Variants in SEMA5B observed in about 807,000 individuals in gnomAD.
The protein encoded by SEMA5B is semaphorin-5B.
A neutral mutation model predicts 135.0 loss-of-function variants in SEMA5B; 66 were observed. The observed-to-expected ratio is 0.49, with a 90% CI of 0.40 to 0.60. The LOEUF is 0.60. SEMA5B is among the 20% of genes least tolerant of loss of function. SEMA5B has a pLI of 0.00. For missense variants in SEMA5B, 1,501 were observed against 1,566.3 expected (o/e 0.96, Z 0.70); for synonymous variants, 690 against 639.5 (o/e 1.08, Z -1.19).
chr3:122,926,377 G>A lies in SEMA5B; in HGVS notation c.1136+15C>T. The A allele has an allele frequency of 3.7e-6, 6 of 1,600,264 alleles. No homozygotes were observed. Among genetic ancestry groups the A allele is most frequent in the Non-Finnish European group, 5.1e-6 (6 of 1,170,268 alleles). On this transcript the variant is annotated intron_variant, in intron 9 of 22. Coordinates refer to ENST00000357599, the MANE Select transcript of SEMA5B (RefSeq NM_001031702.4). ...TGACATCACAGGCAAGGGGCTGGCAGAGGGCAGGACTCACACGTTGGTTGT... is the reference window on the plus strand; with the variant it reads ...TGACATCACAGGCAAGGGGCTGGCAAAGGGCAGGACTCACACGTTGGTTGT...
intron 4 of SEMA5B, among the ~76,000 whole-genome samples, chr3:122,939,861 G>A (rs1218680085): frequency 6.6e-6 from 1 of 152,172 alleles, no homozygotes; most frequent in African/African-American, 2.4e-5. Flanking sequence ...AAGCCTCACA[G>A]CACTCTTACA....
chr3:122,918,413 AC>A (rs1174025210), intron 12 of SEMA5B, among the ~76,000 whole-genome samples: 1 of 152,218 alleles, frequency 6.6e-6, no homozygotes, highest in Non-Finnish European at 1.5e-5. Flanking sequence ...GGCTTTTTGG[AC>A]TGGAATAGGC....
chr3:122,961,129 G>C lies in SEMA5B; in HGVS notation c.124+11C>G. Reference sequence around the variant, plus strand: ...TGCTGCAGCCCCCCACACTCCCCTGGGCACACTTACCCCTGACCAGTGAGA... The same window carrying C: ...TGCTGCAGCCCCCCACACTCCCCTGCGCACACTTACCCCTGACCAGTGAGA... On this transcript the variant is annotated intron_variant, in intron 2 of 22. Coordinates refer to ENST00000357599, the MANE Select transcript of SEMA5B (RefSeq NM_001031702.4). The C allele has an allele frequency of 1.2e-6, 2 of 1,602,238 alleles. No individual in the cohort carries two copies. Among genetic ancestry groups the C allele is most frequent in the Non-Finnish European group, 1.7e-6 (2 of 1,172,736 alleles).
intron 1 of SEMA5B, among the ~76,000 whole-genome samples, chr3:123,017,048 C>T (rs1319397130): frequency 3.9e-5 from 6 of 151,908 alleles, no homozygotes; most frequent in African/African-American, 9.7e-5. Flanking sequence ...CCCACCACCA[C>T]GCCCGGCTAA....
intron 1 of SEMA5B, chr3:122,976,271 C>A: frequency 9.8e-7 from 1 of 1,021,812 alleles, no homozygotes; most frequent in Non-Finnish European, 1.4e-6. Context: ...TCACCCCAGA[C>A]CTACTAGATC....
intron 1 of SEMA5B, among the ~76,000 whole-genome samples, chr3:122,980,427 T>G (rs1018417395): frequency 2.0e-5 from 3 of 147,072 alleles, no homozygotes; most frequent in African/African-American, 7.7e-5. Flanking sequence ...GCCATTGCAC[T>G]CCAGCCTGTA....
rs192779910 is a variant in SEMA5B at position 122,934,024 on chromosome 3, C to T, written c.475-4966G>A. 5.5e-3 allele frequency among the ~76,000 whole-genome samples: 819 copies of T among 149,982 alleles called. 21 individuals carry two copies. Among genetic ancestry groups the T allele is most frequent in the Non-Finnish European group, 9.3e-3 (629 of 67,364 alleles). On this transcript the variant is annotated intron_variant, in intron 5 of 22. Transcript: ENST00000357599. The stretch of plus-strand genomic sequence containing the variant: ...CCAGGTTCAAGTGATTCTCCTGCCT[C>T]GGCCTCCCGAGTAGCTGGGATTACA...
chr3:123,006,787 C>G (rs560818622), intron 1 of SEMA5B, among the ~76,000 whole-genome samples: 6 of 152,202 alleles, frequency 3.9e-5, no homozygotes, highest in Non-Finnish European at 8.8e-5. Context: ...ACCCTCCCCC[C>G]ATCTATGTTC....
chr3:122,977,154 T>TGAG (rs564590264), intron 1 of SEMA5B, among the ~76,000 whole-genome samples: 18 of 152,090 alleles, frequency 1.2e-4, no homozygotes, highest in Middle Eastern at 3.4e-3. Flanking sequence ...TGCTATGAAA[T>TGAG]GAGGAGGAGG....
At chr3:123,019,181 G>A (rs928183333) in intron 1 of SEMA5B, among the ~76,000 whole-genome samples, 29 of 152,216 alleles carry the variant, frequency 1.9e-4, no homozygotes, top group Admixed American at 1.8e-3. Flanking sequence ...AGCCTATGTA[G>A]TGGTTAAATG....
chr3:122,982,994 G>C (rs534158552), intron 1 of SEMA5B, among the ~76,000 whole-genome samples: 1 of 152,308 alleles, frequency 6.6e-6, no homozygotes, highest in Admixed American at 6.5e-5. Flanking sequence ...GAGGAAGAGC[G>C]TGCCTCTGAT....
Position 122,921,908 on chromosome 3 carries a change from G to C in SEMA5B, c.1688+7C>G. 6.5e-7 allele frequency: 1 copy of C among 1,529,772 alleles called. No individual in the cohort carries two copies. The highest frequency in any genetic ancestry group is 8.7e-7 in the Non-Finnish European group (1 of 1,144,194). 94.8% of individuals were successfully genotyped at this position (1,529,772 alleles called of 1,614,324 possible). ...GAGGCCTCGGGAGCCGCCCCGTCCC[G>C]GCTTACCCCTGGCTGCGGTAGGCGG... On this transcript the variant is annotated splice_region_variant and intron_variant, in intron 12 of 22. Coordinates refer to ENST00000357599, the MANE Select transcript of SEMA5B (RefSeq NM_001031702.4).
At chr3:123,021,842 G>C (rs1942687854) in intron 1 of SEMA5B, among the ~76,000 whole-genome samples, 1 of 152,180 alleles carries the variant, frequency 6.6e-6, no homozygotes, top group Admixed American at 6.5e-5. Flanking sequence ...GCACATGTAT[G>C]CCTCAATATA....
At chr3:122,917,271 T>C (rs143765956) in intron 12 of SEMA5B, among the ~76,000 whole-genome samples, 83 of 152,108 alleles carry the variant, frequency 5.5e-4, no homozygotes, top group Non-Finnish European at 1.0e-3. Flanking sequence ...AAATTGGAGG[T>C]TGGAAAACAG....
At chr3:122,985,266 G>A (rs146941765) in intron 1 of SEMA5B, among the ~76,000 whole-genome samples, 1 of 152,164 alleles carries the variant, frequency 6.6e-6, no homozygotes, top group African/African-American at 2.4e-5. Flanking sequence ...GCCAAGGCAG[G>A]AGGATTGCTT....
rs577678032 is a variant in SEMA5B at position 123,018,315 on chromosome 3, G to A, written c.-39+9149C>T. Reference sequence around the variant, plus strand: ...TGTACTTTTCACTCTGGGCTCTTCTGGTTCTCCCGAGCTGAAGAGTATGTT... The same window carrying A: ...TGTACTTTTCACTCTGGGCTCTTCTAGTTCTCCCGAGCTGAAGAGTATGTT... On this transcript the variant is annotated intron_variant, in intron 1 of 22. Transcript: ENST00000357599. Among the ~76,000 whole-genome samples the A allele has an allele frequency of 7.2e-5, 11 of 152,334 alleles. No homozygotes were observed. In the South Asian group the frequency reaches 2.3e-3, roughly 32 times the overall value.
intron 1 of SEMA5B, among the ~76,000 whole-genome samples, chr3:122,967,387 T>C (rs1940906722): frequency 6.6e-6 from 1 of 152,174 alleles, no homozygotes; most frequent in South Asian, 2.1e-4. Flanking sequence ...TAACGTGGCA[T>C]TTCCTAGGAG....
intron 2 of SEMA5B, among the ~76,000 whole-genome samples, chr3:122,960,216 C>T (rs953839385): frequency 4.6e-5 from 7 of 152,332 alleles, no homozygotes; most frequent in Admixed American, 4.6e-4. Flanking sequence ...CCCATTTCTA[C>T]TCACTTCCCC....
intron 1 of SEMA5B, among the ~76,000 whole-genome samples, chr3:122,988,760 G>A (rs1038534523): frequency 3.1e-4 from 47 of 152,192 alleles, no homozygotes; most frequent in African/African-American, 9.9e-4. Context: ...AATTAATCTC[G>A]CCTCATCTGG....
Sources: gnomAD v4.1 joint callset for allele counts (sites outside exome capture counted in the v4.1 genomes callset) on GRCh38, gnomAD v4.1.1 for gene constraint, MANE v1.5 for transcripts, NCBI Gene and HGNC (gene_info 2026-07-23, HGNC 2026-07-21) for gene names.